GPR174: variants seen among roughly 807,000 people sequenced by gnomAD.
GPR174 encodes the protein probable G protein-coupled receptor 174.
GPR174 carries 8 observed loss-of-function variants against 16.5 expected under a neutral mutation model. The observed-to-expected ratio is 0.48, with a 90% CI of 0.28 to 0.87. The LOEUF (loss-of-function observed/expected upper bound fraction) is 0.87, where lower values mean the gene tolerates loss of function less well. GPR174 is among the 40% of genes least tolerant of loss of function. The probability of loss-of-function intolerance (pLI) is 0.09; values close to 1 mark genes in which losing one functional copy is unlikely to be tolerated. For synonymous variants in GPR174, 111 were observed against 94.8 expected, an observed-to-expected ratio of 1.17 and a Z score of -0.99; for missense variants, 214 against 247.5, an observed-to-expected ratio of 0.86 and a Z score of 0.91.
At chrX:79,153,540 G>A (rs144293879) in intron 1 of GPR174, among the ~76,000 whole-genome samples, 1,277 of 111,662 alleles carry the variant, frequency 0.011, 23 homozygotes, top group African/African-American at 0.04. Context: ...TAGAGTTAGA[G>A]AGAGAGATGG....
At chrX:79,150,177 G>A (rs1369095888) in intron 1 of GPR174, among the ~76,000 whole-genome samples, 1 of 111,159 alleles carries the variant, frequency 9.0e-6, no homozygotes, top group Non-Finnish European at 1.9e-5. Context: ...TCCTTGACTG[G>A]GACTTGGGCC....
rs1298481199 is a variant in GPR174, at chrX:79,145,000, C to CTT, written c.-870_-869insTT. 89 of 33,532 alleles carry CTT rather than the reference C, an allele frequency of 2.7e-3. No individual in the cohort carries two copies. The highest frequency in any genetic ancestry group is 4.4e-3 in the Non-Finnish European group (61 of 13,781). 2.8% of individuals were successfully genotyped at this position (33,532 alleles called of 1,213,427 possible). ...TCTTTTTCTTTCTTTCTTTCTCTCT[C>CTT]TCTCTCTTTCTTTCTTTCTTTCTTT... On this transcript the variant is annotated 5_prime_UTR_variant, in exon 1 of 3. Coordinates refer to ENST00000645147, the MANE Select transcript of GPR174 (RefSeq NM_032553.3).
At chrX:79,168,103 T>C (rs1207006691) in intron 2 of GPR174, among the ~76,000 whole-genome samples, 1 of 112,319 alleles carries the variant, frequency 8.9e-6, no homozygotes, top group Non-Finnish European at 1.9e-5. Flanking sequence ...GCCTGTGTGC[T>C]GATCAGAATT....
intron 1 of GPR174, among the ~76,000 whole-genome samples, chrX:79,146,878 C>T (rs1409652820): frequency 9.0e-6 from 1 of 111,157 alleles, no homozygotes; most frequent in Non-Finnish European, 1.9e-5. Flanking sequence ...CTTTAGGCAC[C>T]AATCAGCTAC....
intron 2 of GPR174, among the ~76,000 whole-genome samples, chrX:79,164,487 T>C (rs1355565937): frequency 9.0e-6 from 1 of 111,529 alleles, no homozygotes; most frequent in Non-Finnish European, 1.9e-5. Flanking sequence ...AGGATATTTC[T>C]GAGAGCCACA....
Position 79,156,177 on chromosome X carries a change from G to A in GPR174, c.-653-645G>A, listed in dbSNP as rs747523992. 4.5e-5 allele frequency among the ~76,000 whole-genome samples: 5 copies of A among 111,919 alleles called. No individual in the cohort carries two copies. The Admixed American group carries it at 4.7e-4, about 11-fold the overall frequency. On this transcript the variant is annotated intron_variant, in intron 1 of 2. Coordinates refer to ENST00000645147, the MANE Select transcript of GPR174 (RefSeq NM_032553.3). ...ATTGAATCCATAATGGGACATTTCTGGCAAGGTGACAAGCTTGGGCAAGTG... is the reference window on the plus strand; with the variant it reads ...ATTGAATCCATAATGGGACATTTCTAGCAAGGTGACAAGCTTGGGCAAGTG...
intron 1 of GPR174, among the ~76,000 whole-genome samples, chrX:79,156,140 GT>G (rs1300406662): frequency 2.9e-4 from 32 of 112,104 alleles, no homozygotes; most frequent in African/African-American, 1.0e-3. Context: ...TGGACACATA[GT>G]TTCTTAAAGG....
At chrX:79,156,204 T>C (rs1186572088) in intron 1 of GPR174, among the ~76,000 whole-genome samples, 1 of 111,843 alleles carries the variant, frequency 8.9e-6, no homozygotes, top group East Asian at 2.8e-4. Flanking sequence ...GGGCAAGTGA[T>C]CATTAGGTAA....
chrX:79,171,141 A>C lies in GPR174; in HGVS notation c.134A>C (p.Tyr45Ser). The change falls in exon 3 of 3, where the codon TAT becomes TCT. Residue 45 changes from tyrosine to serine, a missense_variant. By Grantham distance (144) the Tyr-to-Ser change is moderately radical. Coordinates refer to ENST00000645147, the MANE Select transcript of GPR174 (RefSeq NM_032553.3). ...IGNILALWVF[Y>S]GYMKETKRAV... is the part of the protein sequence containing the mutation. ...AATATATTAGCCCTGTGGGTATTCTATGGTTATATGAAAGAAACAAAACGA... is the reference window on the plus strand; with the variant it reads ...AATATATTAGCCCTGTGGGTATTCTCTGGTTATATGAAAGAAACAAAACGA... The C allele has an allele frequency of 8.3e-7, 1 of 1,207,318 alleles. No individual in the cohort carries two copies. The highest frequency in any genetic ancestry group is 1.1e-6 in the Non-Finnish European group (1 of 892,743).
chrX:79,162,003 A>G (rs1411844990), intron 2 of GPR174, among the ~76,000 whole-genome samples: 2 of 111,775 alleles, frequency 1.8e-5, no homozygotes, highest in Non-Finnish European at 3.8e-5. Flanking sequence ...TTTCCACAAG[A>G]GTTGAGATTT....
intron 2 of GPR174, among the ~76,000 whole-genome samples, chrX:79,168,173 G>A (rs1177145372): frequency 1.8e-5 from 2 of 111,860 alleles, no homozygotes; most frequent in Non-Finnish European, 3.8e-5. Context: ...GTGTCATAAT[G>A]GTACAATTGC....
At position 79,172,436 on chromosome X, in the gene GPR174, A is replaced by T. The variant is rs1197694547; in HGVS notation, c.*427A>T. ...TTTTATATTAGTAATCACAGTTTAC[A>T]TGCCATTTTCATATGTTTGGTTATA... On this transcript the variant is annotated 3_prime_UTR_variant, in exon 3 of 3. Coordinates refer to ENST00000645147, the MANE Select transcript of GPR174 (RefSeq NM_032553.3). 3.2e-5 allele frequency: 4 copies of T among 123,291 alleles called. No homozygotes were observed. Among genetic ancestry groups the T allele is most frequent in the African/African-American group, 1.3e-4 (4 of 31,253 alleles). 10.2% of individuals were successfully genotyped at this position (123,291 alleles called of 1,213,427 possible). A position where few individuals can be genotyped will look rare whatever the true frequency, so the allele number is the denominator to read the frequency against.
In GPR174 at chrX:79,174,578, GC is replaced by G. The variant is rs1175370995; in HGVS notation, c.*2570del. The G allele has an allele frequency of 8.2e-5, 9 of 110,017 alleles. No individual in the cohort carries two copies. Among genetic ancestry groups the G allele is most frequent in the Admixed American group, 7.8e-4 (8 of 10,243 alleles). The allele number at this position is 110,017 out of a possible 1,213,427, so 9.1% of individuals were successfully genotyped here. On this transcript the variant is annotated 3_prime_UTR_variant, in exon 3 of 3. Coordinates refer to ENST00000645147, the MANE Select transcript of GPR174 (RefSeq NM_032553.3). ...CTGCCTTTCATATTGCATACAGTAA[GC>G]AAACACCTACTTTGGTTACCATAAT... is the stretch of plus-strand genomic sequence containing the variant.
At chrX:79,170,340 C>T (rs186575375) in intron 2 of GPR174, 112 bp from the exon 3 acceptor site, 1 of 110,234 alleles carries the variant, frequency 9.1e-6, no homozygotes, top group African/African-American at 3.3e-5. Context: ...TATACCCTTC[C>T]CTTACTTAAG....
intron 2 of GPR174, among the ~76,000 whole-genome samples, chrX:79,169,659 T>C (rs972228601): frequency 9.0e-6 from 1 of 111,513 alleles, no homozygotes; most frequent in Non-Finnish European, 1.9e-5. Context: ...GTTAGTTAAG[T>C]CCTCCTAGAT....
intron 1 of GPR174, among the ~76,000 whole-genome samples, chrX:79,150,672 C>T (rs62606436): frequency 0.18 from 19,550 of 110,233 alleles, 1,417 homozygotes; most frequent in Middle Eastern, 0.35. Flanking sequence ...TTCATATAAC[C>T]CTTTCCTGAG....
chrX:79,159,425 T>G (rs750816763), intron 2 of GPR174, among the ~76,000 whole-genome samples: 10 of 112,725 alleles, frequency 8.9e-5, no homozygotes, highest in Non-Finnish European at 1.9e-4. Context: ...CGTTTGTGTA[T>G]GCACACAGTT....
intron 1 of GPR174, among the ~76,000 whole-genome samples, chrX:79,150,753 T>A (rs1926585576): frequency 8.9e-6 from 1 of 112,221 alleles, no homozygotes; most frequent in Non-Finnish European, 1.9e-5. Flanking sequence ...TCAGTCTCAC[T>A]CGTAAGCATA....
intron 2 of GPR174, among the ~76,000 whole-genome samples, chrX:79,158,359 T>C (rs773202737): frequency 1.5e-4 from 16 of 108,657 alleles, no homozygotes; most frequent in Non-Finnish European, 3.1e-4. Context: ...CTGAACCATA[T>C]TTTTTGTAAC....
Sources: allele counts gnomAD v4.1 joint callset (sites outside exome capture counted in the v4.1 genomes callset), GRCh38; gene constraint gnomAD v4.1.1; transcripts MANE v1.5; gene names NCBI Gene and HGNC (gene_info 2026-07-23, HGNC 2026-07-21).